PARD3: variants seen among roughly 807,000 people sequenced by gnomAD.
PARD3 encodes partitioning defective 3 homolog.
PARD3 carries 75 observed loss-of-function variants against 155.4 expected under a neutral mutation model. The ratio of observed to expected loss-of-function variants is 0.48; its 90% confidence interval spans 0.40 to 0.58. The LOEUF (loss-of-function observed/expected upper bound fraction) is 0.58, where lower values mean the gene tolerates loss of function less well. Ranked by LOEUF, PARD3 falls within the 20% of genes least tolerant of loss-of-function variation. The probability of loss-of-function intolerance (pLI) is 0.00; values close to 1 mark genes in which losing one functional copy is unlikely to be tolerated. For missense variants in PARD3, 1,642 were observed against 1,721.7 expected (o/e 0.95, Z 0.82); for synonymous variants, 576 against 610.5 (o/e 0.94, Z 0.83).
At chr10:34,330,763 A>C (rs1373762516) in intron 19 of PARD3, among the ~76,000 whole-genome samples, 7 of 152,166 alleles carry the variant, frequency 4.6e-5, no homozygotes, top group African/African-American at 1.7e-4. Flanking sequence ...TACATTTTTT[A>C]CCAAAAAATA....
chr10:34,716,580 C>CTTTTT (rs202195983), intron 1 of PARD3, among the ~76,000 whole-genome samples: 1 of 109,438 alleles, frequency 9.1e-6, no homozygotes, highest in Non-Finnish European at 1.8e-5. Context: ...CCCAGGATGG[C>CTTTTT]TTTTCTTTTT....
rs187166115 is a variant in PARD3 at position 34,194,294 on chromosome 10, G to A, written c.3420-62711C>T. On this transcript the variant is annotated intron_variant, in intron 22 of 24. Transcript: ENST00000374788. ...TTGAGAAACAGTTGAAAAGGCAGACGTGGAAGTTGCCCACCCAGAGCAGTA... is the reference window on the plus strand; with the variant it reads ...TTGAGAAACAGTTGAAAAGGCAGACATGGAAGTTGCCCACCCAGAGCAGTA... Among the ~76,000 whole-genome samples, 10 of 152,268 alleles carry A rather than the reference G, an allele frequency of 6.6e-5. No individual in the cohort carries two copies. In the East Asian group the frequency reaches 1.2e-3, roughly 18 times the overall value.
intron 2 of PARD3, among the ~76,000 whole-genome samples, chr10:34,685,937 C>T (rs563147074): frequency 3.9e-5 from 6 of 152,070 alleles, no homozygotes; most frequent in South Asian, 2.1e-4. Flanking sequence ...TCATATGATG[C>T]CACATCCTAA....
At position 34,517,083 on chromosome 10, in the gene PARD3, C is replaced by G. The variant is rs1343396713; in HGVS notation, c.299G>C (p.Ser100Thr). ...GTSASSTGTQSPEIFGSELGT... is the reference protein window; with the variant it reads ...GTSASSTGTQTPEIFGSELGT... ...AAGCTCACTACCAAATATCTCTGGG[C>G]TCTGGGTACCCGTGGAACTGGCACT... Residue 100 changes from serine (S) to threonine (T), a missense_variant, in exon 3 of 25, where the codon AGC (serine) becomes ACC (threonine). Transcript: ENST00000374788. 2 of 1,614,186 alleles carry G rather than the reference C, an allele frequency of 1.2e-6. No homozygotes were observed. The highest frequency in any genetic ancestry group is 1.7e-6 in the Non-Finnish European group (2 of 1,180,022).
chr10:34,438,161 C>T (rs1289348202), intron 5 of PARD3, among the ~76,000 whole-genome samples: 1 of 152,182 alleles, frequency 6.6e-6, no homozygotes, highest in Admixed American at 6.5e-5. Flanking sequence ...TCTTCTAACA[C>T]TGAATCCATG....
intron 3 of PARD3, among the ~76,000 whole-genome samples, chr10:34,486,695 G>A (rs1564768475): frequency 6.6e-6 from 1 of 152,198 alleles, no homozygotes; most frequent in Non-Finnish European, 1.5e-5. Flanking sequence ...TTGTTAAAGA[G>A]CTTCAGTAGG....
chr10:34,413,860 A>C (rs1173030457), intron 5 of PARD3, among the ~76,000 whole-genome samples: 1 of 152,222 alleles, frequency 6.6e-6, no homozygotes, highest in Admixed American at 6.5e-5. Context: ...AGAATCATTA[A>C]ACCATGAGAA....
chr10:34,367,046 T>A (rs1840031779), intron 12 of PARD3, among the ~76,000 whole-genome samples: 1 of 152,154 alleles, frequency 6.6e-6, no homozygotes, highest in African/African-American at 2.4e-5. Context: ...GAGGAAAAAA[T>A]GTTTTGCACA....
At chr10:34,676,987 T>C (rs780937785) in intron 2 of PARD3, among the ~76,000 whole-genome samples, 2 of 152,216 alleles carry the variant, frequency 1.3e-5, no homozygotes, top group Non-Finnish European at 2.9e-5. Flanking sequence ...TCTGTGTCTT[T>C]ACTCAAATTA....
chr10:34,147,722 T>A (rs1367177570), intron 22 of PARD3, among the ~76,000 whole-genome samples: 1 of 152,016 alleles, frequency 6.6e-6, no homozygotes, highest in Non-Finnish European at 1.5e-5. Flanking sequence ...TCTTTATATA[T>A]ATAATTTTTT....
At chr10:34,355,958 C>CAAAACAAAACA (rs1491326864) in intron 14 of PARD3, among the ~76,000 whole-genome samples, 1 of 116,198 alleles carries the variant, frequency 8.6e-6, no homozygotes, top group African/African-American at 4.6e-5. Flanking sequence ...AAAACAAAAC[C>CAAAACAAAACA]AAACAAAAAA....
At chr10:34,494,169 C>G (rs7093981) in intron 3 of PARD3, among the ~76,000 whole-genome samples, 4 of 152,096 alleles carry the variant, frequency 2.6e-5, no homozygotes, top group Admixed American at 1.3e-4. Flanking sequence ...CTATGGAATC[C>G]GGAAACACCT....
In PARD3 at chr10:34,470,159, G is replaced by A. The variant is rs1314904995; in HGVS notation, c.508C>T (p.Pro170Ser). ...FSSEEPSRKN[P>S]TRWSTTAGFL... The stretch of plus-strand genomic sequence containing the variant: ...CCAGCTGTTGTTGACCAGCGTGTGG[G>A]ATTTTTCCTTGAAGGCTCTTCAGAG... The change falls in exon 4 of 25, where the codon CCC becomes TCC. Residue 170 changes from proline (P) to serine (S), a missense_variant. Transcript: ENST00000374788. 1 of 1,613,470 alleles carries A rather than the reference G, an allele frequency of 6.2e-7. No individual in the cohort carries two copies. The highest frequency in any genetic ancestry group is 8.5e-7 in the Non-Finnish European group (1 of 1,179,782).
At chr10:34,288,594 G>T (rs943903475) in intron 20 of PARD3, among the ~76,000 whole-genome samples, 2 of 152,092 alleles carry the variant, frequency 1.3e-5, no homozygotes, top group Non-Finnish European at 2.9e-5. Context: ...ACATATACTC[G>T]CAAAGACAGT....
rs560286119 is a variant in PARD3, at chr10:34,469,788, T to G, written c.582+297A>C. On this transcript the variant is annotated intron_variant, in intron 4 of 24. Coordinates refer to ENST00000374788, the MANE Select transcript of PARD3 (RefSeq NM_001184785.2). Reference sequence around the variant, plus strand: ...GACACAGCAAGAAAGGGACTTTATATGGCACATAATGTGTTGAATGTTTTC... The same window carrying G: ...GACACAGCAAGAAAGGGACTTTATAGGGCACATAATGTGTTGAATGTTTTC... Among the ~76,000 whole-genome samples, 103 of 152,290 alleles carry G rather than the reference T, an allele frequency of 6.8e-4. 1 individual carries two copies. The South Asian group carries it at 7.7e-3, about 11-fold the overall frequency.
intron 18 of PARD3, among the ~76,000 whole-genome samples, chr10:34,334,092 A>G (rs573761107): frequency 6.6e-6 from 1 of 151,982 alleles, no homozygotes; most frequent in East Asian, 1.9e-4. Context: ...TTAAAACAAT[A>G]TTTTAAGCTC....
At chr10:34,186,601 G>A (rs150766711) in intron 22 of PARD3, among the ~76,000 whole-genome samples, 5 of 152,270 alleles carry the variant, frequency 3.3e-5, no homozygotes, top group East Asian at 1.9e-4. Flanking sequence ...TGAGCCCAGA[G>A]TAAGCTACCA....
chr10:34,290,023 T>C (rs959761944), intron 20 of PARD3, among the ~76,000 whole-genome samples: 3 of 152,202 alleles, frequency 2.0e-5, no homozygotes, highest in Non-Finnish European at 4.4e-5. Context: ...AAACCATCAT[T>C]TGGGTTTTCA....
chr10:34,706,824 A>C (rs991992862), intron 1 of PARD3, among the ~76,000 whole-genome samples: 116 of 152,178 alleles, frequency 7.6e-4, no homozygotes, highest in African/African-American at 2.6e-3. Flanking sequence ...TTTAATAAAA[A>C]GGGCCAGGTG....
Sources: gnomAD v4.1 joint callset for allele counts (sites outside exome capture counted in the v4.1 genomes callset) on GRCh38, gnomAD v4.1.1 for gene constraint, MANE v1.5 for transcripts, NCBI Gene and HGNC (gene_info 2026-07-23, HGNC 2026-07-21) for gene names.